EIF3H: variants seen among roughly 807,000 people sequenced by gnomAD.
The protein encoded by EIF3H is eIF-3-gamma.
In EIF3H, 26 loss-of-function variants were observed where a neutral mutation model predicts 44.2. That is an observed-to-expected ratio of 0.59 (90% CI 0.43 to 0.82). The LOEUF is 0.82. Among genes scored for constraint, EIF3H ranks in the 40% least tolerant of loss-of-function variants. The pLI, the probability that EIF3H is intolerant of heterozygous loss-of-function variation, is 0.00. For synonymous variants in EIF3H, 166 were observed against 151.9 expected, an observed-to-expected ratio of 1.09 and a Z score of -0.68; for missense variants, 359 against 432.8, an observed-to-expected ratio of 0.83 and a Z score of 1.51.
intron 2 of EIF3H, among the ~76,000 whole-genome samples, chr8:116,710,610 C>G (rs1814557864): frequency 6.6e-6 from 1 of 152,156 alleles, no homozygotes; most frequent in Non-Finnish European, 1.5e-5. Context: ...AATAGTAATG[C>G]CAAGAAGCAG....
chr8:116,642,512 A>G lies in EIF3H; in HGVS notation c.*2494T>C, dbSNP rs1416227267. The G allele has an allele frequency of 1.3e-5, 2 of 152,206 alleles. No individual in the cohort carries two copies. The highest frequency in any genetic ancestry group is 6.5e-5 in the Admixed American group (1 of 15,284). 9.4% of individuals were successfully genotyped at this position (152,206 alleles called of 1,614,324 possible). On this transcript the variant is annotated 3_prime_UTR_variant, in exon 8 of 8. Coordinates refer to ENST00000521861, the MANE Select transcript of EIF3H (RefSeq NM_003756.3). The stretch of plus-strand genomic sequence containing the variant: ...AGGTTTTAAGAATAATGTTATGATT[A>G]TTAGATTATTATCAATGATTAGAAA...
intron 1 of EIF3H, among the ~76,000 whole-genome samples, chr8:116,728,639 T>C (rs1351493018): frequency 6.6e-6 from 1 of 152,080 alleles, no homozygotes; most frequent in Non-Finnish European, 1.5e-5. Context: ...CTAATAAGAT[T>C]GGCAGACCTT....
In EIF3H at chr8:116,648,904, G is replaced by T. The variant is rs1167002755; in HGVS notation, c.730C>A (p.Gln244Lys). The T allele has an allele frequency of 6.2e-7, 1 of 1,611,198 alleles. No individual in the cohort carries two copies. ...TCATCCACTCTGTCCATCAGCAACT[G>T]TAGATTCTTCCCCAAATGATTGCTG... is the stretch of plus-strand genomic sequence containing the variant. The part of the protein sequence containing the change: ...ASSNHLGKNL[Q>K]LLMDRVDEMS... Residue 244 changes from glutamine to lysine, a missense_variant, in exon 6 of 8, where the codon CAG becomes AAG. Around this residue, in one of 5 missense-constraint regions of EIF3H, gnomAD observed 30 missense variants for 59.5 expected, o/e 0.50. Coordinates refer to ENST00000521861, the MANE Select transcript of EIF3H (RefSeq NM_003756.3).
At chr8:116,722,817 C>T (rs1364561907) in intron 2 of EIF3H, among the ~76,000 whole-genome samples, 4 of 152,160 alleles carry the variant, frequency 2.6e-5, no homozygotes, top group African/African-American at 9.7e-5. Context: ...TTCTTCTGTT[C>T]TCAGTTTTCC....
rs1491232249 is a variant in EIF3H at position 116,743,798 on chromosome 8, A to ATATATAT, written c.132+11867_132+11868insATATATA. ...TATATATATATATATATATATATAT[A>ATATATAT]AACACACACACACACACACACACAC... On this transcript the variant is annotated intron_variant, in intron 1 of 7. Transcript: ENST00000521861. 3.0e-3 allele frequency among the ~76,000 whole-genome samples: 235 copies of ATATATAT among 79,592 alleles called. 1 individual carries two copies. Among genetic ancestry groups the ATATATAT allele is most frequent in the South Asian group, 7.1e-3 (18 of 2,536 alleles). 52.2% of individuals were successfully genotyped at this position (79,592 alleles called of 152,430 possible). A position where few individuals can be genotyped will look rare whatever the true frequency, so the allele number is the denominator to read the frequency against.
intron 1 of EIF3H, among the ~76,000 whole-genome samples, chr8:116,739,218 A>C (rs1356903510): frequency 6.6e-6 from 1 of 152,244 alleles, no homozygotes; most frequent in Non-Finnish European, 1.5e-5. Flanking sequence ...GGACATGCTC[A>C]AGTCTTAACT....
rs1308485385 is a variant in EIF3H, at chr8:116,720,502, T to C, written c.289+5514A>G. 2.0e-5 allele frequency among the ~76,000 whole-genome samples: 3 copies of C among 152,164 alleles called. No homozygotes were observed. In the East Asian group the frequency reaches 5.8e-4, roughly 29 times the overall value. ...AATTGCCATGTCTCAGGTATGTCTT[T>C]ATCAGTGGCGTGAAAATGGACTAAT... On this transcript the variant is annotated intron_variant, in intron 2 of 7. Coordinates refer to ENST00000521861, the MANE Select transcript of EIF3H (RefSeq NM_003756.3).
intron 2 of EIF3H, among the ~76,000 whole-genome samples, chr8:116,702,842 C>T (rs964094085): frequency 1.3e-5 from 2 of 152,136 alleles, no homozygotes; most frequent in African/African-American, 4.8e-5. Context: ...GCACCAGTGA[C>T]CAGTTTCCTG....
At chr8:116,731,773 CCGA>C (rs1814953838) in intron 1 of EIF3H, among the ~76,000 whole-genome samples, 2 of 152,162 alleles carry the variant, frequency 1.3e-5, no homozygotes, top group Non-Finnish European at 2.9e-5. Context: ...CTGTTAAGAA[CCGA>C]TGCTGACTAG....
At chr8:116,715,225 T>C (rs543880434) in intron 2 of EIF3H, among the ~76,000 whole-genome samples, 1 of 152,168 alleles carries the variant, frequency 6.6e-6, no homozygotes, top group Admixed American at 6.5e-5. Context: ...GCTTTTCTTT[T>C]CAAAACTTAA....
chr8:116,722,622 A>G (rs1299030000), intron 2 of EIF3H, among the ~76,000 whole-genome samples: 1 of 152,222 alleles, frequency 6.6e-6, no homozygotes, highest in Non-Finnish European at 1.5e-5. Flanking sequence ...CACAAATAGC[A>G]GCATGTAGTG....
chr8:116,753,361 CT>C (rs1815389992), intron 1 of EIF3H, among the ~76,000 whole-genome samples: 8 of 151,984 alleles, frequency 5.3e-5, no homozygotes, highest in Admixed American at 5.2e-4. Flanking sequence ...TTTACCTGCT[CT>C]TATTATGATT....
intron 3 of EIF3H, chr8:116,658,119 T>C (rs962953305): frequency 6.6e-6 from 1 of 152,260 alleles, no homozygotes; most frequent in African/African-American, 2.4e-5. Flanking sequence ...TGTTCTTTAC[T>C]GTAATCCAAT....
At chr8:116,735,215 A>C (rs569418807) in intron 1 of EIF3H, among the ~76,000 whole-genome samples, 155 of 152,336 alleles carry the variant, frequency 1.0e-3, no homozygotes, top group Non-Finnish European at 8.4e-4. Context: ...AAAACCTAGG[A>C]GCTAAGTAAT....
intron 1 of EIF3H, among the ~76,000 whole-genome samples, chr8:116,728,956 C>T (rs939379944): frequency 5.3e-5 from 8 of 152,146 alleles, no homozygotes; most frequent in Non-Finnish European, 8.8e-5. Context: ...TGATATTTGT[C>T]AATAACTATT....
chr8:116,711,077 C>T (rs1814566478), intron 2 of EIF3H, among the ~76,000 whole-genome samples: 1 of 152,180 alleles, frequency 6.6e-6, no homozygotes, highest in African/African-American at 2.4e-5. Context: ...TATGTGTACA[C>T]ACATTGCTTC....
At chr8:116,741,862 T>C (rs1815138715) in intron 1 of EIF3H, among the ~76,000 whole-genome samples, 1 of 152,236 alleles carries the variant, frequency 6.6e-6, no homozygotes, top group Non-Finnish European at 1.5e-5. Context: ...GTTTTCTTAT[T>C]TGGTTAAGCC....
chr8:116,691,660 A>G (rs1337732475), intron 2 of EIF3H, among the ~76,000 whole-genome samples: 1 of 152,164 alleles, frequency 6.6e-6, no homozygotes, highest in Non-Finnish European at 1.5e-5. Context: ...GGATCACTTT[A>G]GGCCAGGAGT....
intron 2 of EIF3H, among the ~76,000 whole-genome samples, chr8:116,679,858 T>TGGG (rs1477014427): frequency 2.3e-3 from 3 of 1,326 alleles, no homozygotes; most frequent in East Asian, 7.0e-3. Flanking sequence ...GGGAGGGAGG[T>TGGG]GGGGGGGGTC....
Sources: gnomAD v4.1 joint callset for allele counts (sites outside exome capture counted in the v4.1 genomes callset) on GRCh38, gnomAD v4.1.1 for gene constraint, gnomAD v4.1.1 regional missense constraint, MANE v1.5 for transcripts, NCBI Gene and HGNC (gene_info 2026-07-23, HGNC 2026-07-21) for gene names.